The following SLC4A1 variants were observed in gnomAD, a reference collection of about 807,000 sequenced individuals.
SLC4A1 encodes band 3 anion transport protein.
A neutral mutation model predicts 93.1 loss-of-function variants in SLC4A1; 29 were observed. That is an observed-to-expected ratio of 0.31 (90% CI 0.23 to 0.42). SLC4A1 has a LOEUF of 0.42. Ranked by LOEUF, SLC4A1 falls within the 20% of genes least tolerant of loss-of-function variation. The probability of loss-of-function intolerance (pLI) is 1.00; values close to 1 mark genes in which losing one functional copy is unlikely to be tolerated. For missense variants in SLC4A1, 965 were observed against 1,190.1 expected (o/e 0.81, Z 2.78); for synonymous variants, 469 against 497.2 (o/e 0.94, Z 0.76).
chr17:44,258,093 T>G lies in SLC4A1; in HGVS notation c.1175A>C (p.Tyr392Ser). The G allele has an allele frequency of 6.2e-7, 1 of 1,613,718 alleles. No individual in the cohort carries two copies. The highest frequency in any genetic ancestry group is 8.5e-7 in the Non-Finnish European group (1 of 1,179,924). Residue 392 changes from tyrosine to serine, a missense_variant, in exon 11 of 20, where the codon TAT becomes TCT. Physicochemically the swap from Tyr to Ser is moderately radical, Grantham distance 144 (BLOSUM62 -2). This residue lies in a region of SLC4A1 where 770 missense variants were observed against 1,006.6 expected (regional missense o/e 0.76). Coordinates refer to ENST00000262418, the MANE Select transcript of SLC4A1 (RefSeq NM_000342.4). This position sits in a 1 kb window ranked among gnomAD's most constrained non-coding sequence, Gnocchi z 6.1. The stretch of plus-strand genomic sequence containing the variant: ...TGCATCTGTGATGTCACTCAGGTAA[T>G]AGGGGTAGCGGCGCCGGATATCACG... ...LVRDIRRRYP[Y>S]YLSDITDAFS...
chr17:44,251,197 G>C lies in SLC4A1; in HGVS notation c.2617C>G (p.Leu873Val), dbSNP rs1011118078. ...LILTVPLRRVLLPLIFRNVEL... is the reference protein window; with the variant it reads ...LILTVPLRRVVLPLIFRNVEL... ...ACGTTCCTGAAGATGAGCGGCAGCA[G>C]GACGCGCCGCAGCGGCACAGTGAGG... Residue 873 changes from leucine to valine, a missense_variant, in exon 19 of 20, where the codon CTG (leucine) becomes GTG (valine). Leu to Val is a conservative substitution (Grantham distance 32, BLOSUM62 1). Coordinates refer to ENST00000262418, the MANE Select transcript of SLC4A1 (RefSeq NM_000342.4). The C allele has an allele frequency of 1.2e-6, 2 of 1,612,616 alleles. No homozygotes were observed. Among genetic ancestry groups the C allele is most frequent in the Non-Finnish European group, 1.7e-6 (2 of 1,179,406 alleles).
Position 44,258,256 on chromosome 17 carries a change from G to A in SLC4A1, c.1088-76C>T. 1.3e-6 allele frequency: 2 copies of A among 1,496,000 alleles called. No individual in the cohort carries two copies. Among genetic ancestry groups the A allele is most frequent in the South Asian group, 2.3e-5 (2 of 88,602 alleles). 92.7% of individuals were successfully genotyped at this position (1,496,000 alleles called of 1,614,324 possible). ...GGGGAAAGGGGACTGGAGGGTGTAG[G>A]GGAGATTGTCTGATGGGAATGGGGC... On this transcript the variant is annotated intron_variant, in intron 10 of 19. Coordinates refer to ENST00000262418, the MANE Select transcript of SLC4A1 (RefSeq NM_000342.4). This position sits in a 1 kb window ranked among gnomAD's most constrained non-coding sequence, Gnocchi z 6.1.
rs1052812408 is a variant in SLC4A1 at position 44,260,272 on chromosome 17, C to T, written c.485+132G>A. On this transcript the variant is annotated intron_variant, in intron 6 of 19. Coordinates refer to ENST00000262418, the MANE Select transcript of SLC4A1 (RefSeq NM_000342.4). ...CTTTCAAGGTGTCAGAGATGGGAGC[C>T]ATAGTGGAGGAAAGTGGGCCCCTGC... is the stretch of plus-strand genomic sequence containing the variant. The T allele has an allele frequency of 6.1e-6, 7 of 1,152,436 alleles. No individual in the cohort carries two copies. In the African/African-American group the frequency reaches 9.2e-5, roughly 15 times the overall value. 71.4% of individuals were successfully genotyped at this position (1,152,436 alleles called of 1,614,324 possible).
chr17:44,252,521 C>T (rs1388772296), intron 17 of SLC4A1, among the ~76,000 whole-genome samples: 1 of 152,174 alleles, frequency 6.6e-6, no homozygotes, highest in African/African-American at 2.4e-5. Flanking sequence ...CTCACCCCAG[C>T]CCAGAATGCC....
intron 3 of SLC4A1, among the ~76,000 whole-genome samples, chr17:44,262,410 C>G (rs908423020): frequency 1.3e-5 from 2 of 152,248 alleles, no homozygotes; most frequent in African/African-American, 4.8e-5. Context: ...CCGCCCTTCT[C>G]ACATTGCAGG....
chr17:44,254,439 C>A, intron 16 of SLC4A1, 57 bp downstream of exon 16: 1 of 1,547,070 alleles, frequency 6.5e-7, no homozygotes, highest in South Asian at 1.1e-5. Context: ...GGGAGAATGC[C>A]AGGGAAAGGT....
At chr17:44,252,693 G>A (rs769386103) in intron 17 of SLC4A1, among the ~76,000 whole-genome samples, 18 of 152,252 alleles carry the variant, frequency 1.2e-4, no homozygotes, top group African/African-American at 2.6e-4. Flanking sequence ...CTAGAGCACC[G>A]CCCCTTGTAT....
intron 2 of SLC4A1, 35 bp from the exon 3 acceptor site, chr17:44,262,761 G>A: frequency 1.9e-6 from 3 of 1,608,982 alleles, no homozygotes; most frequent in Non-Finnish European, 2.6e-6. Context: ...GGGCTGTGAG[G>A]GGCTCTTCCA....
At position 44,255,752 on chromosome 17, in the gene SLC4A1, G is replaced by A. The variant is rs1389266610; in HGVS notation, c.1721C>T (p.Ser574Phe). ...GAAGGTACCGGCCATGAGCACAAGG[G>A]AGAGGAGGGCTGTGTTGGGCAGGGG... The part of the protein sequence containing the change: ...QGPLPNTALL[S>F]LVLMAGTFFF... Residue 574 changes from serine to phenylalanine, a missense_variant, in exon 14 of 20, where the codon TCC becomes TTC. Ser to Phe is a radical substitution (Grantham distance 155, BLOSUM62 -2). Transcript: ENST00000262418. The A allele has an allele frequency of 4.3e-6, 7 of 1,614,132 alleles. No homozygotes were observed. In the East Asian group the frequency reaches 1.6e-4, roughly 36 times the overall value.
rs778709844 is a variant in SLC4A1, at chr17:44,258,377, G to T, written c.1087+36C>A. ...ACGCTGAGGTGTCTGGGGGTCGGTG[G>T]GGGCTCAGAAAGCCTCAGCTGGGAA... On this transcript the variant is annotated intron_variant, in intron 10 of 19. Coordinates refer to ENST00000262418, the MANE Select transcript of SLC4A1 (RefSeq NM_000342.4). The surrounding 1 kb of genome is among the most constrained non-coding windows in gnomAD (Gnocchi z 6.1). The T allele has an allele frequency of 3.1e-6, 5 of 1,599,842 alleles. No homozygotes were observed. The highest frequency in any genetic ancestry group is 4.3e-6 in the Non-Finnish European group (5 of 1,167,226).
At chr17:44,256,590 T>C (rs1191533984) in intron 13 of SLC4A1, among the ~76,000 whole-genome samples, 1 of 152,188 alleles carries the variant, frequency 6.6e-6, no homozygotes, top group African/African-American at 2.4e-5. Flanking sequence ...CTGCAGCTCT[T>C]GAGGACAAGC....
intron 1 of SLC4A1, among the ~76,000 whole-genome samples, chr17:44,266,488 C>T (rs1464371935): frequency 2.0e-5 from 3 of 152,276 alleles, no homozygotes; most frequent in Admixed American, 2.0e-4. Context: ...TGCCTCTCTG[C>T]CACTGACTGG....
At chr17:44,251,709 C>T in intron 17 of SLC4A1, 121 bp from the exon 18 acceptor site, 22 of 675,150 alleles carry the variant, frequency 3.3e-5, no homozygotes, top group South Asian at 8.0e-5. Context: ...TTTCTTTTTT[C>T]CTTTTCTTTT....
At chr17:44,261,897 T>C in intron 3 of SLC4A1, 1 of 1,040,244 alleles carries the variant, frequency 9.6e-7, no homozygotes, top group Non-Finnish European at 1.3e-6. Context: ...GCCTAGCCCC[T>C]CCGCAGTGAT....
rs757534437 is a variant in SLC4A1 at position 44,249,971 on chromosome 17, A to G, written c.*487T>C. ...GTCCCTGTGGAGTTTACAAAGCCCT[A>G]TTTTACATGTATCTTTGGTCCTCAG... On this transcript the variant is annotated 3_prime_UTR_variant, in exon 20 of 20. Coordinates refer to ENST00000262418, the MANE Select transcript of SLC4A1 (RefSeq NM_000342.4). The G allele has an allele frequency of 4.6e-5, 9 of 197,318 alleles. No homozygotes were observed. The highest frequency in any genetic ancestry group is 1.1e-4 in the Admixed American group (2 of 18,886). The allele number at this position is 197,318 out of a possible 1,614,324, so 12.2% of individuals were successfully genotyped here.
chr17:44,257,154 G>T (rs1239302852), intron 13 of SLC4A1, among the ~76,000 whole-genome samples, 196 bp downstream of exon 13: 1 of 151,960 alleles, frequency 6.6e-6, no homozygotes, highest in Non-Finnish European at 1.5e-5. Flanking sequence ...ACCACATCTG[G>T]CTGATTTTTG....
In SLC4A1 at chr17:44,262,621, G is replaced by A. The variant is rs367731198; in HGVS notation, c.106+15C>T. 39 of 1,594,994 alleles carry A rather than the reference G, an allele frequency of 2.4e-5. No individual in the cohort carries two copies. In the African/African-American group the frequency reaches 4.4e-4, roughly 18 times the overall value. ...TCAGCAGCTCATCCCAGCTGAGGGA[G>A]GGAGAGGGGCTCACCTGCCGGCTCC... is the stretch of plus-strand genomic sequence containing the variant. On this transcript the variant is annotated intron_variant, in intron 3 of 19. Transcript: ENST00000262418.
intron 17 of SLC4A1, among the ~76,000 whole-genome samples, chr17:44,251,845 C>T (rs1440363861): frequency 1.3e-5 from 2 of 149,560 alleles, no homozygotes; most frequent in African/African-American, 4.9e-5. Context: ...GTGATCCTCC[C>T]GCTTCAGTGT....
Position 44,254,654 on chromosome 17 carries a change from C to A in SLC4A1, c.1899G>T (p.Ser633=), listed in dbSNP as rs148412733. The change falls in exon 16 of 20, where the codon TCG becomes TCT. Residue 633 remains serine, a synonymous_variant. Coordinates refer to ENST00000262418, the MANE Select transcript of SLC4A1 (RefSeq NM_000342.4). ...FIQDTYTQKL[S]VPDGFKVSNS... ...TGGACACCTTGAAGCCATCAGGCACCGAGAGTTTCTGTGGGAGGGGGTAGC... is the reference window on the plus strand; with the variant it reads ...TGGACACCTTGAAGCCATCAGGCACAGAGAGTTTCTGTGGGAGGGGGTAGC... The A allele has an allele frequency of 6.2e-7, 1 of 1,613,890 alleles. No individual in the cohort carries two copies. The highest frequency in any genetic ancestry group is 1.1e-5 in the South Asian group (1 of 91,056).
Sources: gnomAD v4.1 joint callset for allele counts (sites outside exome capture counted in the v4.1 genomes callset) on GRCh38, gnomAD v4.1.1 for gene constraint, gnomAD v4.1.1 regional missense constraint, Gnocchi (gnomAD v3.1) non-coding constraint, MANE v1.5 for transcripts, NCBI Gene and HGNC (gene_info 2026-07-23, HGNC 2026-07-21) for gene names.